PRKCA: variants seen among roughly 807,000 people sequenced by gnomAD.
PRKCA encodes protein kinase C alpha type.
A neutral mutation model predicts 87.0 loss-of-function variants in PRKCA; 27 were observed. The ratio of observed to expected loss-of-function variants is 0.31; its 90% CI spans 0.23 to 0.43. The LOEUF is 0.43. Among genes scored for constraint, PRKCA ranks in the 20% least tolerant of loss-of-function variants. PRKCA has a pLI of 1.00. For synonymous variants in PRKCA, 329 were observed against 311.1 expected, an observed-to-expected ratio of 1.06 and a Z score of -0.61; for missense variants, 518 against 852.3, an observed-to-expected ratio of 0.61 and a Z score of 4.88.
At chr17:66,417,522 C>G (rs970994618) in intron 2 of PRKCA, among the ~76,000 whole-genome samples, 5 of 152,062 alleles carry the variant, frequency 3.3e-5, no homozygotes, top group East Asian at 3.9e-4. Flanking sequence ...CTTGCATTCT[C>G]TCTCTGGAAT....
At position 66,462,084 on chromosome 17, in the gene PRKCA, A is replaced by G. The variant is rs62070449; in HGVS notation, c.206-34117A>G. Among the ~76,000 whole-genome samples the G allele has an allele frequency of 2.6e-5, 4 of 151,900 alleles. 1 individual carries two copies. The South Asian group carries it at 6.2e-4, about 24-fold the overall frequency. ...CTTGGTTGTGGGCAGAGGGTGTGTG[A>G]TATATTCTTTTAAACGTCGGGTCTG... On this transcript the variant is annotated intron_variant, in intron 2 of 16. Coordinates refer to ENST00000413366, the MANE Select transcript of PRKCA (RefSeq NM_002737.3).
At chr17:66,765,013 C>T (rs1347469180) in intron 13 of PRKCA, among the ~76,000 whole-genome samples, 1 of 152,202 alleles carries the variant, frequency 6.6e-6, no homozygotes, top group Admixed American at 6.5e-5. Flanking sequence ...CAGAGGGTCT[C>T]AGCCAGCACT....
intron 3 of PRKCA, among the ~76,000 whole-genome samples, chr17:66,590,584 C>T (rs1460855368): frequency 1.3e-5 from 2 of 152,194 alleles, no homozygotes; most frequent in African/African-American, 2.4e-5. Flanking sequence ...CGTAGTGGCT[C>T]ACGCCTGTAA....
chr17:66,781,872 T>C (rs111890543), intron 14 of PRKCA, among the ~76,000 whole-genome samples: 1 of 109,954 alleles, frequency 9.1e-6, no homozygotes, highest in Non-Finnish European at 2.1e-5. Context: ...GAGAGAGATA[T>C]ATATATATAT....
chr17:66,793,049 C>T (rs2144398054), intron 16 of PRKCA, among the ~76,000 whole-genome samples: 1 of 152,326 alleles, frequency 6.6e-6, no homozygotes, highest in South Asian at 2.1e-4. Context: ...CAAAGACAAC[C>T]ACAGACAGCA....
At chr17:66,340,382 T>C (rs1265954450) in intron 2 of PRKCA, among the ~76,000 whole-genome samples, 1 of 146,792 alleles carries the variant, frequency 6.8e-6, no homozygotes. Context: ...TTTTTTTTCT[T>C]TTTTTTTTTT....
At chr17:66,317,249 A>G (rs1442473331) in intron 2 of PRKCA, among the ~76,000 whole-genome samples, 1 of 152,134 alleles carries the variant, frequency 6.6e-6, no homozygotes, top group East Asian at 1.9e-4. Context: ...TTCTCTCTCC[A>G]TGGGCTAACC....
chr17:66,429,469 A>G (rs906948065), intron 2 of PRKCA, among the ~76,000 whole-genome samples: 4 of 152,204 alleles, frequency 2.6e-5, no homozygotes, highest in African/African-American at 9.6e-5. Flanking sequence ...AGAGTTTTCT[A>G]CTTCACTGTG....
At chr17:66,564,919 G>C (rs1367777218) in intron 3 of PRKCA, among the ~76,000 whole-genome samples, 1 of 152,152 alleles carries the variant, frequency 6.6e-6, no homozygotes, top group African/African-American at 2.4e-5. Context: ...GGCAGAGGTT[G>C]CACTGAGCCA....
At chr17:66,596,205 T>A (rs558980276) in intron 3 of PRKCA, among the ~76,000 whole-genome samples, 1 of 152,340 alleles carries the variant, frequency 6.6e-6, no homozygotes, top group East Asian at 1.9e-4. Flanking sequence ...TTATTATACT[T>A]CTTGATGGGT....
At chr17:66,479,267 A>G (rs1463196614) in intron 2 of PRKCA, among the ~76,000 whole-genome samples, 2 of 152,226 alleles carry the variant, frequency 1.3e-5, no homozygotes, top group Non-Finnish European at 2.9e-5. Context: ...AAAACACTCA[A>G]CATCACTGAT....
intron 3 of PRKCA, among the ~76,000 whole-genome samples, chr17:66,559,478 C>CTA (rs1567897850): frequency 3.2e-5 from 1 of 31,210 alleles, no homozygotes; most frequent in Non-Finnish European, 5.6e-5. Context: ...CTCTGTCTCA[C>CTA]CAAAAAAAAA....
intron 2 of PRKCA, among the ~76,000 whole-genome samples, chr17:66,408,975 C>G (rs1345635800): frequency 1.5e-5 from 2 of 134,186 alleles, no homozygotes; most frequent in African/African-American, 5.5e-5. Context: ...TCGCTTGAAC[C>G]CGGGAGGCGG....
intron 2 of PRKCA, among the ~76,000 whole-genome samples, chr17:66,472,828 G>A (rs1473685974): frequency 2.0e-5 from 3 of 152,022 alleles, no homozygotes; most frequent in African/African-American, 7.2e-5. Flanking sequence ...CATTTTCAGA[G>A]AAATCAGTGC....
intron 3 of PRKCA, among the ~76,000 whole-genome samples, chr17:66,611,933 T>G (rs1970376294): frequency 6.6e-6 from 1 of 152,190 alleles, no homozygotes; most frequent in Non-Finnish European, 1.5e-5. Flanking sequence ...GTTGAACATG[T>G]TTTTATGTGT....
chr17:66,429,936 C>T (rs1913013726), intron 2 of PRKCA, among the ~76,000 whole-genome samples: 1 of 151,926 alleles, frequency 6.6e-6, no homozygotes, highest in East Asian at 1.9e-4. Context: ...TAAGCATCTG[C>T]TTAGGCTTGT....
intron 2 of PRKCA, among the ~76,000 whole-genome samples, chr17:66,347,403 C>A (rs925185949): frequency 6.6e-6 from 1 of 152,112 alleles, no homozygotes; most frequent in Non-Finnish European, 1.5e-5. Flanking sequence ...AGCTTTTTCA[C>A]GTAACTGGAG....
intron 5 of PRKCA, among the ~76,000 whole-genome samples, chr17:66,682,505 C>A (rs1368196077): frequency 6.6e-6 from 1 of 152,274 alleles, no homozygotes; most frequent in African/African-American, 2.4e-5. Flanking sequence ...ATTCTTCCCG[C>A]GTTCCCTGCC....
chr17:66,781,915 T>A (rs778117074), intron 14 of PRKCA, among the ~76,000 whole-genome samples: 4 of 144,454 alleles, frequency 2.8e-5, no homozygotes, highest in African/African-American at 5.1e-5. Flanking sequence ...TGTGTGTGTG[T>A]GTGAGTGAGT....
Sources: gnomAD v4.1 joint callset for allele counts (sites outside exome capture counted in the v4.1 genomes callset) on GRCh38, gnomAD v4.1.1 for gene constraint, MANE v1.5 for transcripts, NCBI Gene and HGNC (gene_info 2026-07-23, HGNC 2026-07-21) for gene names.